The following INPP4B variants were observed in gnomAD, a reference collection of about 807,000 sequenced individuals.
The protein encoded by INPP4B is inositol polyphosphate 4-phosphatase type II.
In INPP4B, 55 loss-of-function variants were observed where a neutral mutation model predicts 122.5. That is an observed-to-expected ratio of 0.45 (90% confidence interval 0.36 to 0.56). INPP4B has a LOEUF of 0.56. INPP4B is among the 20% of genes least tolerant of loss of function. The pLI, the probability that INPP4B is intolerant of heterozygous loss-of-function variation, is 0.00. For synonymous variants in INPP4B, 403 were observed against 388.7 expected (o/e 1.04, Z -0.43); for missense variants, 1,000 against 1,097.7 (o/e 0.91, Z 1.26).
intron 1 of INPP4B, among the ~76,000 whole-genome samples, chr4:142,769,440 A>G (rs1772682264): frequency 6.6e-6 from 1 of 152,198 alleles, no homozygotes; most frequent in African/African-American, 2.4e-5. Context: ...AACTATAACT[A>G]AGCTACATGC....
chr4:142,118,770 C>T (rs1024992314), intron 21 of INPP4B, among the ~76,000 whole-genome samples: 1 of 152,168 alleles, frequency 6.6e-6, no homozygotes, highest in African/African-American at 2.4e-5. Context: ...AAAGCAATGG[C>T]AACAAAAGCC....
chr4:142,119,411 G>A (rs965014016), intron 21 of INPP4B, among the ~76,000 whole-genome samples: 2 of 152,060 alleles, frequency 1.3e-5, no homozygotes, highest in African/African-American at 4.8e-5. Context: ...GTCCATCAAT[G>A]ATAGAATGCA....
At chr4:142,512,491 CT>C (rs1168984096) in intron 2 of INPP4B, among the ~76,000 whole-genome samples, 3 of 152,146 alleles carry the variant, frequency 2.0e-5, no homozygotes, top group Non-Finnish European at 1.5e-5. Flanking sequence ...TTTTCTATAC[CT>C]TTTTCTATAT....
At chr4:142,313,464 T>C (rs1188163785) in intron 8 of INPP4B, among the ~76,000 whole-genome samples, 1 of 152,114 alleles carries the variant, frequency 6.6e-6, no homozygotes, top group Non-Finnish European at 1.5e-5. Flanking sequence ...GAGGGTCCAG[T>C]TGGAAGCAGG....
intron 9 of INPP4B, among the ~76,000 whole-genome samples, chr4:142,292,522 T>C (rs1168965310): frequency 6.6e-6 from 1 of 152,180 alleles, no homozygotes; most frequent in African/African-American, 2.4e-5. Context: ...TGTTTCTAGA[T>C]AAGAGAAAAA....
At position 142,260,571 on chromosome 4, in the gene INPP4B, A is replaced by G. The variant is rs2150383989; in HGVS notation, c.616-7T>C. ...ATTCACATACCAGGGCACACTAGGA[A>G]AAAATGTAAAAAAAAAAAAAAAATT... On this transcript the variant is annotated splice_polypyrimidine_tract_variant and splice_region_variant and intron_variant, in intron 10 of 25. Transcript: ENST00000262992. The G allele has an allele frequency of 6.5e-7, 1 of 1,527,132 alleles. No homozygotes were observed. Among genetic ancestry groups the G allele is most frequent in the Non-Finnish European group, 8.8e-7 (1 of 1,132,374 alleles). The allele number at this position is 1,527,132 out of a possible 1,614,324, so 94.6% of individuals were successfully genotyped here.
intron 1 of INPP4B, among the ~76,000 whole-genome samples, chr4:142,836,741 C>T (rs1250652773): frequency 6.6e-6 from 1 of 151,936 alleles, no homozygotes; most frequent in African/African-American, 2.4e-5. Context: ...CACACACACA[C>T]ACACAAGAAA....
intron 1 of INPP4B, among the ~76,000 whole-genome samples, chr4:142,805,675 T>A (rs1778592044): frequency 2.6e-5 from 4 of 152,154 alleles, no homozygotes; most frequent in African/African-American, 9.7e-5. Flanking sequence ...GAGTAATAAG[T>A]ATATTTTCTC....
intron 7 of INPP4B, among the ~76,000 whole-genome samples, chr4:142,358,437 T>G (rs1784323780): frequency 6.6e-6 from 1 of 151,864 alleles, no homozygotes; most frequent in Admixed American, 6.6e-5. Context: ...CTGAGAAGAT[T>G]CAAATCTCAA....
At chr4:142,771,168 G>A (rs935610898) in intron 1 of INPP4B, among the ~76,000 whole-genome samples, 4 of 151,958 alleles carry the variant, frequency 2.6e-5, no homozygotes, top group Non-Finnish European at 5.9e-5. Flanking sequence ...TCCTATATAA[G>A]AAAAAATTAC....
chr4:142,310,193 T>G (rs1441678383), intron 8 of INPP4B, among the ~76,000 whole-genome samples: 1 of 152,118 alleles, frequency 6.6e-6, no homozygotes, highest in African/African-American at 2.4e-5. Flanking sequence ...TCCAGAGCTG[T>G]GCTATCCAAT....
intron 2 of INPP4B, among the ~76,000 whole-genome samples, chr4:142,701,571 T>A (rs1030570906): frequency 6.6e-6 from 1 of 152,162 alleles, no homozygotes; most frequent in Non-Finnish European, 1.5e-5. Flanking sequence ...TTGGGCTTGT[T>A]TCTATTTCAC....
At chr4:142,119,255 A>G (rs1177551510) in intron 21 of INPP4B, among the ~76,000 whole-genome samples, 3 of 152,204 alleles carry the variant, frequency 2.0e-5, no homozygotes, top group African/African-American at 7.2e-5. Flanking sequence ...TCAAGGATCT[A>G]GAACTAGAAA....
intron 9 of INPP4B, among the ~76,000 whole-genome samples, chr4:142,284,656 G>C (rs1349007900): frequency 6.6e-6 from 1 of 152,038 alleles, no homozygotes; most frequent in Non-Finnish European, 1.5e-5. Flanking sequence ...ATGTGGAGGT[G>C]TAAAATAGTG....
At chr4:142,487,637 T>C (rs1821368249) in intron 2 of INPP4B, among the ~76,000 whole-genome samples, 1 of 152,186 alleles carries the variant, frequency 6.6e-6, no homozygotes, top group Admixed American at 6.5e-5. Context: ...TAGTTTTCAC[T>C]GTAGAAATCT....
At chr4:142,273,509 A>C (rs1052789325) in intron 9 of INPP4B, among the ~76,000 whole-genome samples, 2 of 151,930 alleles carry the variant, frequency 1.3e-5, no homozygotes, top group Admixed American at 6.6e-5. Context: ...ACTAATTATA[A>C]TGCAAGTGAA....
At chr4:142,813,763 C>A (rs1484619253) in intron 1 of INPP4B, among the ~76,000 whole-genome samples, 1 of 152,074 alleles carries the variant, frequency 6.6e-6, no homozygotes, top group Admixed American at 6.6e-5. Flanking sequence ...TCCTAGGAAA[C>A]AACAAAGTAA....
intron 12 of INPP4B, among the ~76,000 whole-genome samples, chr4:142,225,895 G>A (rs1029219477): frequency 2.0e-5 from 3 of 152,012 alleles, no homozygotes; most frequent in African/African-American, 7.2e-5. Context: ...TTTTGATAAA[G>A]CCAATATTTT....
intron 2 of INPP4B, among the ~76,000 whole-genome samples, chr4:142,580,235 T>A (rs970809924): frequency 6.6e-6 from 1 of 151,844 alleles, no homozygotes; most frequent in Non-Finnish European, 1.5e-5. Flanking sequence ...TGCCACTTAC[T>A]AGTTGTGCTA....
Sources: gnomAD v4.1 joint callset for allele counts (sites outside exome capture counted in the v4.1 genomes callset) on GRCh38, gnomAD v4.1.1 for gene constraint, MANE v1.5 for transcripts, NCBI Gene and HGNC (gene_info 2026-07-23, HGNC 2026-07-21) for gene names.